Variants in TCF7L2 observed in about 807,000 individuals in gnomAD.
The protein encoded by TCF7L2 is transcription factor 7 like 2.
Under a neutral mutation model 77.9 loss-of-function variants are expected in TCF7L2, and 23 were observed. That is an observed-to-expected ratio of 0.30 (90% confidence interval 0.21 to 0.42). The LOEUF (loss-of-function observed/expected upper bound fraction) is 0.42. Among genes scored for constraint, TCF7L2 ranks in the 10% least tolerant of loss-of-function variants. The pLI is 1.00. For missense variants in TCF7L2, 654 were observed against 793.1 expected (o/e 0.82, Z 2.11); for synonymous variants, 413 against 340.2 (o/e 1.21, Z -2.36).
intron 4 of TCF7L2, among the ~76,000 whole-genome samples, chr10:112,987,157 T>C (rs1374089647): frequency 1.3e-5 from 2 of 152,092 alleles, no homozygotes; most frequent in Non-Finnish European, 2.9e-5. Context: ...CGAGATACAC[T>C]TGATGTGCCA....
At chr10:113,157,817 G>T in intron 11 of TCF7L2, 1 of 539,806 alleles carries the variant, frequency 1.9e-6, no homozygotes. Context: ...CTGCTCCCAA[G>T]AAGCGTGTGT....
chr10:112,965,283 T>A (rs1289183817), intron 4 of TCF7L2, among the ~76,000 whole-genome samples: 1 of 152,156 alleles, frequency 6.6e-6, no homozygotes, highest in Non-Finnish European at 1.5e-5. Flanking sequence ...TTCTCTTAAA[T>A]CCGAAGGCTA....
chr10:113,116,063 A>G (rs1048765772), intron 5 of TCF7L2, among the ~76,000 whole-genome samples: 3 of 152,298 alleles, frequency 2.0e-5, no homozygotes, highest in Non-Finnish European at 4.4e-5. Context: ...TAGGCTTTCT[A>G]AGAAAAGGTA....
At chr10:113,054,888 AT>A (rs2055103912) in intron 5 of TCF7L2, among the ~76,000 whole-genome samples, 1 of 151,484 alleles carries the variant, frequency 6.6e-6, no homozygotes, top group African/African-American at 2.4e-5. Context: ...ATTTTGCAGC[AT>A]GCTTTTCTTA....
chr10:113,061,789 C>T (rs1009411054), intron 5 of TCF7L2, among the ~76,000 whole-genome samples: 8 of 152,302 alleles, frequency 5.3e-5, no homozygotes, highest in East Asian at 1.9e-4. Context: ...CCAGTTTGTT[C>T]GCTGGCGAAC....
At chr10:113,097,675 C>A (rs200085184) in intron 5 of TCF7L2, among the ~76,000 whole-genome samples, 2,089 of 42,512 alleles carry the variant, frequency 0.049, 42 homozygotes, top group Middle Eastern at 0.083. Context: ...AAAAAAAAAA[C>A]AACCATGAGA....
At chr10:113,159,018 A>G (rs2072559456) in intron 12 of TCF7L2, among the ~76,000 whole-genome samples, 1 of 151,072 alleles carries the variant, frequency 6.6e-6, no homozygotes, top group African/African-American at 2.4e-5. Flanking sequence ...TTTAAAAGAG[A>G]CTGGTTAAAA....
rs2137160741 is a variant in TCF7L2 at position 113,151,939 on chromosome 10, T to G, written c.1161+55T>G. On this transcript the variant is annotated intron_variant, in intron 10 of 13. Coordinates refer to ENST00000627217, the MANE Select transcript of TCF7L2 (RefSeq NM_001146274.2). The surrounding 1 kb of genome is among the most constrained non-coding windows in gnomAD (Gnocchi z 5.2). Reference sequence around the variant, plus strand: ...GGGGGCGGGTGGTGAGGGACCAGAGTGCAGCAGGTCAGGTGGCAGAATGTC... The same window carrying G: ...GGGGGCGGGTGGTGAGGGACCAGAGGGCAGCAGGTCAGGTGGCAGAATGTC... The G allele has an allele frequency of 1.3e-6, 2 of 1,549,936 alleles. No individual in the cohort carries two copies. The highest frequency in any genetic ancestry group is 1.7e-6 in the Non-Finnish European group (2 of 1,155,116).
chr10:113,019,295 G>A (rs906405535), intron 4 of TCF7L2, among the ~76,000 whole-genome samples: 2 of 152,294 alleles, frequency 1.3e-5, no homozygotes, highest in East Asian at 3.9e-4. Context: ...GTTAACAGTC[G>A]CTCCTGCTTG....
chr10:112,977,699 A>G (rs2039678184), intron 4 of TCF7L2, among the ~76,000 whole-genome samples: 1 of 152,172 alleles, frequency 6.6e-6, no homozygotes, highest in African/African-American at 2.4e-5. Flanking sequence ...ATTTGGACCA[A>G]TTTGGGAATG....
chr10:113,163,409 GGTT>G (rs966857641), intron 13 of TCF7L2, among the ~76,000 whole-genome samples: 8 of 152,068 alleles, frequency 5.3e-5, no homozygotes, highest in Non-Finnish European at 7.4e-5. Context: ...TTGTCTTCCT[GGTT>G]GTTCTCCCTG....
At chr10:113,065,887 A>G (rs1333657076) in intron 5 of TCF7L2, among the ~76,000 whole-genome samples, 1 of 152,170 alleles carries the variant, frequency 6.6e-6, no homozygotes, top group Non-Finnish European at 1.5e-5. Context: ...GTTGCGGTTA[A>G]TAGTTGAAGT....
intron 3 of TCF7L2, among the ~76,000 whole-genome samples, chr10:112,952,419 G>C (rs958705621): frequency 6.6e-6 from 1 of 152,224 alleles, no homozygotes; most frequent in African/African-American, 2.4e-5. Flanking sequence ...CTGGCTGCGG[G>C]CTCTCCCGGG....
At chr10:113,147,252 G>T (rs572840342) in intron 8 of TCF7L2, among the ~76,000 whole-genome samples, 1 of 152,300 alleles carries the variant, frequency 6.6e-6, no homozygotes, top group East Asian at 1.9e-4. Context: ...GCTGTCCCCA[G>T]CTTCTTTCCC....
intron 4 of TCF7L2, among the ~76,000 whole-genome samples, chr10:112,969,465 G>T (rs187826040): frequency 2.3e-3 from 356 of 152,266 alleles, no homozygotes; most frequent in African/African-American, 8.1e-3. Flanking sequence ...CACATCTTTT[G>T]GGGAAACATA....
chr10:113,035,106 G>A (rs1397851714), intron 4 of TCF7L2, among the ~76,000 whole-genome samples: 4 of 152,096 alleles, frequency 2.6e-5, no homozygotes, highest in African/African-American at 9.7e-5. Context: ...CTTCCATTCT[G>A]GAAAAGAGGG....
chr10:113,043,277 A>C (rs772666187), intron 5 of TCF7L2, among the ~76,000 whole-genome samples: 5 of 152,216 alleles, frequency 3.3e-5, no homozygotes, highest in Admixed American at 1.3e-4. Context: ...TTGTTGGACT[A>C]TTTTAATCTG....
At chr10:113,134,030 C>T (rs1357595081) in intron 5 of TCF7L2, among the ~76,000 whole-genome samples, 2 of 152,170 alleles carry the variant, frequency 1.3e-5, no homozygotes, top group African/African-American at 2.4e-5. Context: ...CCAAGTAAAA[C>T]TCGAACCCTG....
intron 4 of TCF7L2, among the ~76,000 whole-genome samples, chr10:113,001,512 T>A (rs372695079): frequency 2.0e-5 from 3 of 152,064 alleles, no homozygotes; most frequent in Non-Finnish European, 2.9e-5. Flanking sequence ...TAAGTGGATT[T>A]TTTTTTTTCC....
Sources: allele counts gnomAD v4.1 joint callset (sites outside exome capture counted in the v4.1 genomes callset), GRCh38; gene constraint gnomAD v4.1.1; non-coding constraint Gnocchi (gnomAD v3.1); transcripts MANE v1.5; gene names NCBI Gene and HGNC (gene_info 2026-07-23, HGNC 2026-07-21).